The following GPC5 variants were observed in gnomAD, a reference collection of about 807,000 sequenced individuals.
GPC5 encodes the protein glypican 5, also known as glypican-5.
Under a neutral mutation model 53.9 loss-of-function variants are expected in GPC5, and 47 were observed. The ratio of observed to expected loss-of-function variants is 0.87; its 90% CI spans 0.69 to 1.11. The LOEUF is 1.11. GPC5 is among the 50% of genes most tolerant of loss of function. The pLI, the probability that GPC5 is intolerant of heterozygous loss-of-function variation, is 0.00. For synonymous variants in GPC5, 286 were observed against 263.3 expected (o/e 1.09, Z -0.84); for missense variants, 748 against 713.1 (o/e 1.05, Z -0.56).
At chr13:92,381,262 G>T (rs754626344) in intron 7 of GPC5, among the ~76,000 whole-genome samples, 1 of 152,100 alleles carries the variant, frequency 6.6e-6, no homozygotes, top group Non-Finnish European at 1.5e-5. Flanking sequence ...TATACTAACT[G>T]CCTCTAGTTT....
intron 7 of GPC5, among the ~76,000 whole-genome samples, chr13:92,655,134 A>G (rs1179755653): frequency 2.0e-5 from 3 of 152,182 alleles, no homozygotes; most frequent in Non-Finnish European, 2.9e-5. Context: ...TTCAGACTCC[A>G]GAACACAAGA....
At chr13:92,131,781 A>C (rs997624661) in intron 6 of GPC5, among the ~76,000 whole-genome samples, 8 of 151,970 alleles carry the variant, frequency 5.3e-5, no homozygotes, top group African/African-American at 1.9e-4. Flanking sequence ...ATATGAACCT[A>C]TGTGAAAATT....
chr13:91,435,444 C>T (rs887830905), intron 1 of GPC5, among the ~76,000 whole-genome samples: 2 of 152,144 alleles, frequency 1.3e-5, no homozygotes, highest in African/African-American at 4.8e-5. Context: ...CTGAGATAAT[C>T]ATATGGTTTT....
chr13:91,588,839 T>TA (rs1349951630), intron 2 of GPC5, among the ~76,000 whole-genome samples: 1 of 152,154 alleles, frequency 6.6e-6, no homozygotes, highest in Non-Finnish European at 1.5e-5. Context: ...GTTTGTAGGC[T>TA]AAAAATTTGA....
At chr13:91,694,517 G>A (rs1482037689) in intron 3 of GPC5, among the ~76,000 whole-genome samples, 2 of 152,134 alleles carry the variant, frequency 1.3e-5, no homozygotes, top group Non-Finnish European at 2.9e-5. Flanking sequence ...AGGCTGAAAC[G>A]TTTTTAAAAC....
intron 7 of GPC5, among the ~76,000 whole-genome samples, chr13:92,212,113 A>C (rs1377327649): frequency 6.6e-6 from 1 of 151,062 alleles, no homozygotes; most frequent in Admixed American, 6.6e-5. Context: ...ACATGTTTGG[A>C]TTGCAATTTT....
chr13:92,643,426 A>G (rs915149636), intron 7 of GPC5, among the ~76,000 whole-genome samples: 8 of 149,918 alleles, frequency 5.3e-5, no homozygotes, highest in African/African-American at 1.5e-4. Context: ...ACACATGCAC[A>G]CGTATGTTTA....
At chr13:91,735,138 G>C (rs1004411114) in intron 4 of GPC5, among the ~76,000 whole-genome samples, 1 of 151,026 alleles carries the variant, frequency 6.6e-6, no homozygotes, top group Non-Finnish European at 1.5e-5. Context: ...AGGTTATCAA[G>C]TTTTCTTTTT....
At chr13:91,630,715 GA>G (rs1420388874) in intron 2 of GPC5, among the ~76,000 whole-genome samples, 1 of 152,104 alleles carries the variant, frequency 6.6e-6, no homozygotes, top group African/African-American at 2.4e-5. Flanking sequence ...AAGAAGAATA[GA>G]GCCAAGGTAC....
intron 7 of GPC5, among the ~76,000 whole-genome samples, chr13:92,736,564 T>C (rs1047301334): frequency 1.3e-5 from 2 of 151,898 alleles, no homozygotes; most frequent in African/African-American, 4.8e-5. Context: ...CCAGTGTGAC[T>C]TTCTCAAACA....
rs1403693846 is a variant in GPC5, at chr13:91,438,245, TAG to T, written c.164-10513_164-10512del. On this transcript the variant is annotated intron_variant, in intron 1 of 7. Coordinates refer to ENST00000377067, the MANE Select transcript of GPC5 (RefSeq NM_004466.6). Reference sequence around the variant, plus strand: ...GGAGGAGGAGAGGCACTCTGATTTTTAGAGTTTCCAGTTTTTCTGCTCTGTTT... The same window carrying T: ...GGAGGAGGAGAGGCACTCTGATTTTTAGTTTCCAGTTTTTCTGCTCTGTTT... Among the ~76,000 whole-genome samples, 6 of 152,234 alleles carry T rather than the reference TAG, an allele frequency of 3.9e-5. No individual in the cohort carries two copies. In the South Asian group the frequency reaches 1.0e-3, roughly 26 times the overall value.
At chr13:91,412,180 C>T (rs1171746540) in intron 1 of GPC5, among the ~76,000 whole-genome samples, 2 of 152,238 alleles carry the variant, frequency 1.3e-5, no homozygotes, top group Non-Finnish European at 2.9e-5. Flanking sequence ...GATTCTGTTT[C>T]ACAAATGCCT....
chr13:92,835,175 T>G (rs1878181674), intron 7 of GPC5, among the ~76,000 whole-genome samples: 1 of 152,052 alleles, frequency 6.6e-6, no homozygotes, highest in South Asian at 2.1e-4. Context: ...TTTCAAAGCC[T>G]AGGTTCTTAT....
At chr13:92,623,473 C>T (rs1433191686) in intron 7 of GPC5, among the ~76,000 whole-genome samples, 1 of 152,190 alleles carries the variant, frequency 6.6e-6, no homozygotes, top group Non-Finnish European at 1.5e-5. Context: ...AGCCTTCTCT[C>T]ATACACTGCA....
intron 7 of GPC5, among the ~76,000 whole-genome samples, chr13:92,502,611 G>A (rs1002104958): frequency 2.4e-4 from 36 of 152,116 alleles, no homozygotes; most frequent in African/African-American, 8.4e-4. Context: ...TAAGGAACAA[G>A]ACCAGAGACG....
At chr13:92,704,964 G>A (rs1887901582) in intron 7 of GPC5, among the ~76,000 whole-genome samples, 1 of 150,714 alleles carries the variant, frequency 6.6e-6, no homozygotes, top group Admixed American at 6.7e-5. Flanking sequence ...TAAATACTAT[G>A]TTCTAAGTAA....
chr13:91,779,248 T>A (rs1316109353), intron 5 of GPC5, among the ~76,000 whole-genome samples: 1 of 152,276 alleles, frequency 6.6e-6, no homozygotes, highest in Non-Finnish European at 1.5e-5. Context: ...TTACATTTTT[T>A]AACTTTTTGA....
At chr13:92,849,993 C>T (rs1208599007) in intron 7 of GPC5, among the ~76,000 whole-genome samples, 2 of 152,120 alleles carry the variant, frequency 1.3e-5, no homozygotes, top group African/African-American at 4.8e-5. Flanking sequence ...GCCAGAGAGT[C>T]ATGACAAAGA....
At chr13:92,090,294 T>C (rs1317101025) in intron 6 of GPC5, among the ~76,000 whole-genome samples, 2 of 152,274 alleles carry the variant, frequency 1.3e-5, no homozygotes, top group Admixed American at 6.5e-5. Flanking sequence ...GGCTGAATGA[T>C]GGTGACCCCC....
Sources: allele counts gnomAD v4.1 joint callset (sites outside exome capture counted in the v4.1 genomes callset), GRCh38; gene constraint gnomAD v4.1.1; transcripts MANE v1.5; gene names NCBI Gene and HGNC (gene_info 2026-07-23, HGNC 2026-07-21).